The following CADM2 variants were observed in gnomAD, a reference collection of about 807,000 sequenced individuals.
The protein encoded by CADM2 is immunoglobulin superfamily member 4D.
Under a neutral mutation model 49.8 loss-of-function variants are expected in CADM2, and 12 were observed. The observed-to-expected ratio is 0.24, with a 90% CI of 0.15 to 0.39. The LOEUF (loss-of-function observed/expected upper bound fraction) is 0.39, where lower values mean the gene tolerates loss of function less well. CADM2 is among the 10% of genes least tolerant of loss of function. The probability of loss-of-function intolerance (pLI) is 1.00; values close to 1 mark genes in which losing one functional copy is unlikely to be tolerated. For missense variants in CADM2, 378 were observed against 492.3 expected (o/e 0.77, Z 2.20); for synonymous variants, 214 against 175.4 (o/e 1.22, Z -1.74).
At chr3:85,129,336 A>T (rs1387767357) in intron 1 of CADM2, among the ~76,000 whole-genome samples, 1 of 152,190 alleles carries the variant, frequency 6.6e-6, no homozygotes, top group Non-Finnish European at 1.5e-5. Flanking sequence ...TTGCCTCTTG[A>T]CTACCTAATA....
In CADM2 at chr3:85,347,639, ACATATATATATATT is replaced by A. The variant is rs1559792673; in HGVS notation, c.62-378882_62-378869del. On this transcript the variant is annotated intron_variant, in intron 1 of 9. Transcript: ENST00000383699. ...TATATACATATATATAAATATATAT[ACATATATATATATT>A]TTTTTTAAGATGCAGTCTTACTCTG... 2.5e-3 allele frequency among the ~76,000 whole-genome samples: 115 copies of A among 45,836 alleles called. No homozygotes were observed. In the East Asian group the frequency reaches 0.062, roughly 25 times the overall value. 30.1% of individuals were successfully genotyped at this position (45,836 alleles called of 152,430 possible).
intron 3 of CADM2, among the ~76,000 whole-genome samples, chr3:85,832,017 G>A (rs540383385): frequency 6.6e-6 from 1 of 151,874 alleles, no homozygotes; most frequent in Non-Finnish European, 1.5e-5. Flanking sequence ...AAAGGTGAAA[G>A]GTAGGGGTTC....
intron 2 of CADM2, among the ~76,000 whole-genome samples, chr3:85,745,405 T>C (rs181293237): frequency 4.2e-4 from 64 of 152,068 alleles, no homozygotes; most frequent in Admixed American, 1.1e-3. Flanking sequence ...TTTCATTGTG[T>C]TGGAAGGGGG....
At chr3:85,057,737 T>C (rs2036141026) in intron 1 of CADM2, among the ~76,000 whole-genome samples, 1 of 152,194 alleles carries the variant, frequency 6.6e-6, no homozygotes, top group East Asian at 1.9e-4. Flanking sequence ...GCAGTTTTGA[T>C]ACAGTAAATT....
At chr3:85,436,650 A>C (rs2036945219) in intron 1 of CADM2, among the ~76,000 whole-genome samples, 1 of 152,202 alleles carries the variant, frequency 6.6e-6, no homozygotes, top group South Asian at 2.1e-4. Flanking sequence ...TAAATTTGAA[A>C]GTGAAAGCAG....
chr3:85,579,492 G>A (rs2062732747), intron 1 of CADM2, among the ~76,000 whole-genome samples: 1 of 152,112 alleles, frequency 6.6e-6, no homozygotes, highest in African/African-American at 2.4e-5. Context: ...TGTCTAAAAT[G>A]CAGATTTAGT....
At chr3:86,021,092 C>G (rs938751898) in intron 8 of CADM2, among the ~76,000 whole-genome samples, 3 of 152,140 alleles carry the variant, frequency 2.0e-5, no homozygotes, top group Admixed American at 2.0e-4. Flanking sequence ...CTCCGCCTCC[C>G]AGGTTTAAGT....
intron 8 of CADM2, among the ~76,000 whole-genome samples, chr3:86,060,117 T>G (rs1738441324): frequency 6.6e-6 from 1 of 152,116 alleles, no homozygotes; most frequent in Non-Finnish European, 1.5e-5. Context: ...TCAAAAGTTA[T>G]GTTAATCTAT....
At chr3:85,412,460 T>C (rs889132066) in intron 1 of CADM2, among the ~76,000 whole-genome samples, 8 of 152,062 alleles carry the variant, frequency 5.3e-5, no homozygotes, top group African/African-American at 1.9e-4. Flanking sequence ...TAAGGTGAAT[T>C]CTCTTGATGG....
At chr3:85,959,517 T>C (rs982771644) in intron 7 of CADM2, among the ~76,000 whole-genome samples, 1 of 151,814 alleles carries the variant, frequency 6.6e-6, no homozygotes, top group Non-Finnish European at 1.5e-5. Context: ...GAACATCTCA[T>C]AGGAGCATCT....
At chr3:85,100,310 G>A (rs564658871) in intron 1 of CADM2, among the ~76,000 whole-genome samples, 198 of 152,248 alleles carry the variant, frequency 1.3e-3, no homozygotes, top group Non-Finnish European at 2.5e-3. Flanking sequence ...GTTGTGGGTT[G>A]CCAAGTAACA....
intron 1 of CADM2, among the ~76,000 whole-genome samples, chr3:85,523,399 C>T (rs1449393): frequency 0.52 from 78,251 of 151,856 alleles, 23,133 homozygotes; most frequent in East Asian, 0.85. Flanking sequence ...TGTAAAAATT[C>T]GTTAATAAAC....
Position 86,074,267 on chromosome 3 carries a change from T to C in CADM2, c.*7484T>C, listed in dbSNP as rs1032504967. 1 of 151,982 alleles carries C rather than the reference T, an allele frequency of 6.6e-6. No individual in the cohort carries two copies. Among genetic ancestry groups the C allele is most frequent in the African/African-American group, 2.4e-5 (1 of 41,438 alleles). The allele number at this position is 151,982 out of a possible 1,614,324, so 9.4% of individuals were successfully genotyped here. A position where few individuals can be genotyped will look rare whatever the true frequency, so the allele number is the denominator to read the frequency against. ...TTTATGGAGGATTTTCTTTGTGTCTTTGGAAGTTCACTTACCATAAAGTAT... is the reference window on the plus strand; with the variant it reads ...TTTATGGAGGATTTTCTTTGTGTCTCTGGAAGTTCACTTACCATAAAGTAT... On this transcript the variant is annotated 3_prime_UTR_variant, in exon 10 of 10. Transcript: ENST00000383699.
chr3:85,076,423 C>T (rs934575062), intron 1 of CADM2, among the ~76,000 whole-genome samples: 16 of 151,718 alleles, frequency 1.1e-4, no homozygotes, highest in African/African-American at 3.9e-4. Flanking sequence ...TATCAGCTCA[C>T]GGCAACCTCC....
intron 1 of CADM2, among the ~76,000 whole-genome samples, chr3:85,353,598 G>T (rs2031566684): frequency 6.7e-6 from 1 of 149,410 alleles, no homozygotes. Context: ...TCATTATTAA[G>T]GATCGTGTTT....
rs142465475 is a variant in CADM2 at position 85,726,109 on chromosome 3, A to G, written c.62-413A>G. Among the ~76,000 whole-genome samples, 506 of 152,194 alleles carry G rather than the reference A, an allele frequency of 3.3e-3. 1 individual carries two copies. Among genetic ancestry groups the G allele is most frequent in the South Asian group, 8.7e-3 (42 of 4,832 alleles). On this transcript the variant is annotated intron_variant, in intron 1 of 9. Coordinates refer to ENST00000383699, the MANE Select transcript of CADM2 (RefSeq NM_001167675.2). ...CTGGCATTTAGAAAGCACTCAAATG[A>G]TGGAAGTGGCCTGCTTTTCTAGTTA...
rs571811869 is a variant in CADM2 at position 85,279,045 on chromosome 3, G to A, written c.61+319377G>A. 2.6e-5 allele frequency among the ~76,000 whole-genome samples: 4 copies of A among 151,478 alleles called. No individual in the cohort carries two copies. In the East Asian group the frequency reaches 5.8e-4, roughly 22 times the overall value. The stretch of plus-strand genomic sequence containing the variant: ...ATTATAAGACAATCCTTCAATAAAA[G>A]AGAGATGCATATACTGATTAGTTTG... On this transcript the variant is annotated intron_variant, in intron 1 of 9. Coordinates refer to ENST00000383699, the MANE Select transcript of CADM2 (RefSeq NM_001167675.2).
intron 8 of CADM2, among the ~76,000 whole-genome samples, chr3:86,057,210 AAC>A (rs1379693196): frequency 1.3e-5 from 2 of 152,166 alleles, no homozygotes; most frequent in Non-Finnish European, 1.5e-5. Context: ...TATGTCAAAG[AAC>A]AGTTTATTTT....
chr3:85,766,229 T>C (rs1198064546), intron 2 of CADM2, among the ~76,000 whole-genome samples: 2 of 152,092 alleles, frequency 1.3e-5, no homozygotes, highest in Admixed American at 6.6e-5. Flanking sequence ...CAATTCTCCA[T>C]ATAACAAGGT....
Sources: gnomAD v4.1 joint callset for allele counts (sites outside exome capture counted in the v4.1 genomes callset) on GRCh38, gnomAD v4.1.1 for gene constraint, MANE v1.5 for transcripts, NCBI Gene and HGNC (gene_info 2026-07-23, HGNC 2026-07-21) for gene names.